Variants in TAF1B observed in about 807,000 individuals in gnomAD.
The protein encoded by TAF1B is TATA-box binding protein associated factor, RNA polymerase I subunit B, also known as TATA box-binding protein-associated factor RNA polymerase I subunit B.
In TAF1B, 61 loss-of-function variants were observed where a neutral mutation model predicts 83.9. The observed-to-expected ratio is 0.73, with a 90% CI of 0.59 to 0.90. TAF1B has a LOEUF of 0.90. Ranked by LOEUF, TAF1B falls within the 40% of genes least tolerant of loss-of-function variation. The pLI is 0.00. For synonymous variants in TAF1B, 221 were observed against 224.6 expected, an observed-to-expected ratio of 0.98 and a Z score of 0.14; for missense variants, 625 against 677.0, an observed-to-expected ratio of 0.92 and a Z score of 0.85.
chr2:9,843,565 G>A lies in TAF1B; in HGVS notation c.18+6G>A. The A allele has an allele frequency of 3.9e-6, 6 of 1,523,540 alleles. No homozygotes were observed. The highest frequency in any genetic ancestry group is 4.4e-6 in the Non-Finnish European group (5 of 1,132,658). 94.4% of individuals were successfully genotyped at this position (1,523,540 alleles called of 1,614,324 possible). On this transcript the variant is annotated splice_donor_region_variant and intron_variant, in intron 1 of 14. Coordinates refer to ENST00000263663, the MANE Select transcript of TAF1B (RefSeq NM_005680.3). ...CGATGGACCTCGAGGAGGCGGTAAG[G>A]AGGCGGTGCACCTGGCGGGCCACGA...
chr2:9,858,210 A>G (rs562440791), intron 5 of TAF1B, among the ~76,000 whole-genome samples: 36 of 152,372 alleles, frequency 2.4e-4, no homozygotes, highest in Non-Finnish European at 3.4e-4. Context: ...TAAATTGGCC[A>G]AAACAAAGGG....
intron 8 of TAF1B, among the ~76,000 whole-genome samples, chr2:9,890,970 C>T (rs1572255696): frequency 6.6e-6 from 1 of 152,244 alleles, no homozygotes; most frequent in East Asian, 1.9e-4. Context: ...TGGGGTTTCT[C>T]CATGTTGGTC....
intron 6 of TAF1B, among the ~76,000 whole-genome samples, chr2:9,872,157 C>T (rs1191944910): frequency 1.3e-5 from 2 of 151,792 alleles, no homozygotes; most frequent in African/African-American, 2.4e-5. Context: ...GAAACTCCGT[C>T]TCTACTAAAA....
intron 14 of TAF1B, among the ~76,000 whole-genome samples, chr2:9,926,354 T>G (rs538173031): frequency 6.6e-6 from 1 of 152,302 alleles, no homozygotes; most frequent in Admixed American, 6.5e-5. Flanking sequence ...CATAAGTGTT[T>G]CAGTTCTTAA....
chr2:9,916,739 A>G (rs919102316), intron 12 of TAF1B, among the ~76,000 whole-genome samples: 2 of 152,012 alleles, frequency 1.3e-5, no homozygotes, highest in Non-Finnish European at 2.9e-5. Flanking sequence ...ATGGTTCACT[A>G]AAGTTTAGTT....
At chr2:9,874,066 C>A (rs1384815380) in intron 6 of TAF1B, among the ~76,000 whole-genome samples, 1 of 152,122 alleles carries the variant, frequency 6.6e-6, no homozygotes, top group Non-Finnish European at 1.5e-5. Context: ...AGTATCATTC[C>A]CACCACTTTC....
intron 5 of TAF1B, among the ~76,000 whole-genome samples, chr2:9,856,711 A>G (rs1207674636): frequency 6.6e-6 from 1 of 152,166 alleles, no homozygotes; most frequent in African/African-American, 2.4e-5. Flanking sequence ...TTTTTAAAAA[A>G]AGGTTTTTCT....
In TAF1B at chr2:9,919,609, A is replaced by G; in HGVS notation, c.1354A>G (p.Asn452Asp). The change falls in exon 14 of 15, where the codon AAT becomes GAT. Residue 452 changes from asparagine (N) to aspartate (D), a missense_variant. By Grantham distance (23) the Asn-to-Asp change is conservative. Coordinates refer to ENST00000263663, the MANE Select transcript of TAF1B (RefSeq NM_005680.3). ...TTCTCCGGTTCCAGAAATGGTGGTG[A>G]ATCTACAGAAACAATTTAGCACACT... Reference protein sequence around the residue: ...VAYKKREMVVNLQKQFSTLVE... With the variant: ...VAYKKREMVVDLQKQFSTLVE... 6.2e-7 allele frequency: 1 copy of G among 1,613,862 alleles called. No homozygotes were observed. Among genetic ancestry groups the G allele is most frequent in the African/African-American group, 1.3e-5 (1 of 75,040 alleles).
At chr2:9,874,928 T>C (rs904836427) in intron 6 of TAF1B, among the ~76,000 whole-genome samples, 4 of 152,112 alleles carry the variant, frequency 2.6e-5, no homozygotes, top group Admixed American at 2.0e-4. Flanking sequence ...AATTGGTTTA[T>C]GTTCACTATT....
At chr2:9,923,791 T>C (rs982881102) in intron 14 of TAF1B, among the ~76,000 whole-genome samples, 1 of 152,212 alleles carries the variant, frequency 6.6e-6, no homozygotes, top group Non-Finnish European at 1.5e-5. Context: ...TTCCTTTGCA[T>C]TGGTCATGTC....
At chr2:9,926,267 A>G (rs1666029590) in intron 14 of TAF1B, among the ~76,000 whole-genome samples, 1 of 152,128 alleles carries the variant, frequency 6.6e-6, no homozygotes. Flanking sequence ...ATTTTTCCCT[A>G]TTGTCATAAA....
intron 14 of TAF1B, 28 bp from the exon 15 acceptor site, chr2:9,933,755 T>C: frequency 1.3e-6 from 2 of 1,570,332 alleles, no homozygotes; most frequent in Non-Finnish European, 1.7e-6. Context: ...CATCTAAAGA[T>C]AAATTCTTTT....
At chr2:9,899,783 T>C (rs989819498) in intron 8 of TAF1B, among the ~76,000 whole-genome samples, 1 of 152,210 alleles carries the variant, frequency 6.6e-6, no homozygotes, top group Non-Finnish European at 1.5e-5. Flanking sequence ...GCCATTAACA[T>C]TTGCTATTTT....
chr2:9,908,698 C>T (rs1174065413), intron 9 of TAF1B, among the ~76,000 whole-genome samples: 1 of 152,194 alleles, frequency 6.6e-6, no homozygotes, highest in African/African-American at 2.4e-5. Flanking sequence ...GGAGTAAATT[C>T]AGGTGACACC....
Position 9,854,392 on chromosome 2 carries a change from C to G in TAF1B, c.370C>G (p.Pro124Ala), listed in dbSNP as rs1356111778. ...QKSKQAYCKN[P>A]VYTTGRKPTV... ...GAGCAAGCAGGCATATTGTAAGAAC[C>G]CAGTTTATACCACTGGAAGGAAACC... The change falls in exon 5 of 15, where the codon CCA (proline) becomes GCA (alanine). Residue 124 changes from proline (P) to alanine (A), a missense_variant. Physicochemically the swap from Pro to Ala is conservative, Grantham distance 27 (BLOSUM62 -1). Coordinates refer to ENST00000263663, the MANE Select transcript of TAF1B (RefSeq NM_005680.3). 1 of 1,613,818 alleles carries G rather than the reference C, an allele frequency of 6.2e-7. No homozygotes were observed. Among genetic ancestry groups the G allele is most frequent in the Non-Finnish European group, 8.5e-7 (1 of 1,179,842 alleles).
At chr2:9,919,454 T>G (rs1665799527) in intron 13 of TAF1B, 144 bp from the exon 14 acceptor site, 2 of 703,310 alleles carry the variant, frequency 2.8e-6, no homozygotes, top group Non-Finnish European at 4.8e-6. Flanking sequence ...TCATTTTCCC[T>G]TAACGTTATC....
intron 13 of TAF1B, among the ~76,000 whole-genome samples, 176 bp downstream of exon 13, chr2:9,919,287 C>T (rs1224676309): frequency 6.6e-6 from 1 of 152,224 alleles, no homozygotes; most frequent in Admixed American, 6.5e-5. Flanking sequence ...CAGGAATCTA[C>T]TTCAGGAATA....
At chr2:9,918,621 C>T (rs1054349737) in intron 12 of TAF1B, among the ~76,000 whole-genome samples, 6 of 152,310 alleles carry the variant, frequency 3.9e-5, no homozygotes, top group Middle Eastern at 6.8e-3. Context: ...ATTTACTGTT[C>T]ACTGTGTGTA....
intron 8 of TAF1B, among the ~76,000 whole-genome samples, chr2:9,886,801 T>A (rs931686053): frequency 6.6e-6 from 1 of 152,202 alleles, no homozygotes; most frequent in African/African-American, 2.4e-5. Flanking sequence ...GCGCAGTGGC[T>A]TACGCCTGTA....
Sources: allele counts gnomAD v4.1 joint callset (sites outside exome capture counted in the v4.1 genomes callset), GRCh38; gene constraint gnomAD v4.1.1; transcripts MANE v1.5; gene names NCBI Gene and HGNC (gene_info 2026-07-23, HGNC 2026-07-21).